Variants in SLC38A12 observed in about 807,000 individuals in gnomAD.
The protein encoded by SLC38A12 is putative sodium-coupled neutral amino acid transporter 12.
At chr17:74,797,347 C>CTG in the SLC38A12 span, among the ~76,000 whole-genome samples, 4 of 152,168 alleles carry the variant, frequency 2.6e-5, no homozygotes, top group Non-Finnish European at 4.4e-5. Context: ...CTCCCAGATA[C>CTG]TGCATTTATA....
At chr17:74,823,961 T>G in the SLC38A12 span, among the ~76,000 whole-genome samples, 1 of 152,228 alleles carries the variant, frequency 6.6e-6, no homozygotes, top group African/African-American at 2.4e-5. Context: ...ACCTGCACAG[T>G]GTGCAGAGGG....
chr17:74,814,676 A>C, the SLC38A12 span, among the ~76,000 whole-genome samples: 1 of 152,166 alleles, frequency 6.6e-6, no homozygotes, highest in Non-Finnish European at 1.5e-5. Flanking sequence ...AAACGTGTAC[A>C]AGGCAGGTTG....
At chr17:74,787,134 C>T in the SLC38A12 span, among the ~76,000 whole-genome samples, 4 of 152,118 alleles carry the variant, frequency 2.6e-5, no homozygotes, top group East Asian at 1.9e-4. Context: ...GGTGCTGAGG[C>T]GATTGGAATG....
At chr17:74,834,869 G>T in the SLC38A12 span, among the ~76,000 whole-genome samples, 6 of 152,376 alleles carry the variant, frequency 3.9e-5, no homozygotes, top group East Asian at 9.6e-4. Context: ...GTCTCCGTGT[G>T]TGAGTAGCTA....
the SLC38A12 span, among the ~76,000 whole-genome samples, chr17:74,798,377 T>C: frequency 2.0e-5 from 3 of 152,224 alleles, no homozygotes; most frequent in African/African-American, 7.2e-5. Context: ...GTGTGTAGCA[T>C]CATGATTACT....
At chr17:74,821,587 G>T in the SLC38A12 span, among the ~76,000 whole-genome samples, 6 of 152,232 alleles carry the variant, frequency 3.9e-5, no homozygotes, top group African/African-American at 1.2e-4. Flanking sequence ...AGAAACACCA[G>T]GGCTCAGCCG....
At chr17:74,785,751 AG>A in the SLC38A12 span, 2 of 1,161,724 alleles carry the variant, frequency 1.7e-6, no homozygotes, top group Non-Finnish European at 2.3e-6. Context: ...CAGGGTATTC[AG>A]AGAGGGGAAA....
the SLC38A12 span, among the ~76,000 whole-genome samples, chr17:74,780,022 C>T: frequency 2.0e-5 from 3 of 152,108 alleles, no homozygotes; most frequent in African/African-American, 7.2e-5. Context: ...TTATGAGGAC[C>T]GAGAGTGACA....
At chr17:74,819,874 G>T in the SLC38A12 span, 1 of 1,586,862 alleles carries the variant, frequency 6.3e-7, no homozygotes, top group Non-Finnish European at 8.7e-7. Flanking sequence ...GAGTCTCTGC[G>T]CTTTCTCCTC....
At chr17:74,805,605 C>G in the SLC38A12 span, among the ~76,000 whole-genome samples, 1 of 152,190 alleles carries the variant, frequency 6.6e-6, no homozygotes, top group Non-Finnish European at 1.5e-5. The surrounding 1 kb of genome is among the most constrained non-coding windows in gnomAD (Gnocchi z 5.0). Context: ...TGCCATCTCC[C>G]CTCCGTCCCG....
At chr17:74,822,223 G>A in the SLC38A12 span, among the ~76,000 whole-genome samples, 3 of 152,212 alleles carry the variant, frequency 2.0e-5, no homozygotes, top group East Asian at 3.9e-4. Context: ...GCAGGGCCCC[G>A]GGGTCCTGGA....
the SLC38A12 span, among the ~76,000 whole-genome samples, chr17:74,798,609 CT>C: frequency 6.6e-6 from 1 of 152,208 alleles, no homozygotes. Context: ...TCACTTGCTG[CT>C]TCAGTGGGCT....
the SLC38A12 span, among the ~76,000 whole-genome samples, chr17:74,791,336 CCAGGCAGCTACTCCAGCGGAGGT>C: frequency 6.7e-6 from 1 of 148,642 alleles, no homozygotes; most frequent in African/African-American, 2.5e-5. Flanking sequence ...GTCAGGAACC[CCAGGCAGCTACTCCAGCGGAGGT>C]CAGGAACCCC....
chr17:74,832,387 T>C, the SLC38A12 span, among the ~76,000 whole-genome samples: 2 of 152,222 alleles, frequency 1.3e-5, no homozygotes, highest in Non-Finnish European at 2.9e-5. Context: ...GGTGCCGAAC[T>C]GGAGGGCCCT....
At chr17:74,831,095 C>T in the SLC38A12 span, among the ~76,000 whole-genome samples, 1 of 152,226 alleles carries the variant, frequency 6.6e-6, no homozygotes, top group African/African-American at 2.4e-5. Flanking sequence ...AGGTCCTCCA[C>T]GTCCCGTCTG....
At chr17:74,823,767 G>T in the SLC38A12 span, among the ~76,000 whole-genome samples, 9 of 152,366 alleles carry the variant, frequency 5.9e-5, no homozygotes, top group South Asian at 1.9e-3. Context: ...GGTCTCCGGT[G>T]GCTGCTCTGT....
the SLC38A12 span, chr17:74,785,548 G>T: frequency 6.2e-7 from 1 of 1,614,174 alleles, no homozygotes; most frequent in South Asian, 1.1e-5. Flanking sequence ...CAAGGCATTC[G>T]CCACTGCCGG....
chr17:74,787,997 T>C, the SLC38A12 span, among the ~76,000 whole-genome samples: 1 of 152,118 alleles, frequency 6.6e-6, no homozygotes, highest in African/African-American at 2.4e-5. Context: ...AGTTTCACCA[T>C]TTTGGCCAGG....
chr17:74,835,298 C>T, the SLC38A12 span, among the ~76,000 whole-genome samples: 2 of 152,196 alleles, frequency 1.3e-5, no homozygotes, highest in South Asian at 2.1e-4. Context: ...TCTGCCCTGG[C>T]GTGACCACTG....
Sources: gnomAD v4.1 joint callset for allele counts (sites outside exome capture counted in the v4.1 genomes callset) on GRCh38, gnomAD v4.1.1 for gene constraint, Gnocchi (gnomAD v3.1) non-coding constraint, MANE v1.5 for transcripts, NCBI Gene and HGNC (gene_info 2026-07-23, HGNC 2026-07-21) for gene names.